Variants in SLCO4C1 observed in about 807,000 individuals in gnomAD.
SLCO4C1 encodes solute carrier organic anion transporter family member 4C1, also known as organic anion transporter M1.
SLCO4C1 carries 58 observed loss-of-function variants against 72.1 expected under a neutral mutation model. That is an observed-to-expected ratio of 0.80 (90% CI 0.65 to 1.00). SLCO4C1 has a LOEUF of 1.00. SLCO4C1 is among the 50% of genes least tolerant of loss of function. The pLI is 0.00. For synonymous variants in SLCO4C1, 297 were observed against 312.5 expected (o/e 0.95, Z 0.52); for missense variants, 898 against 857.9 (o/e 1.05, Z -0.58).
At chr5:102,243,347 A>T (rs1028329983) in intron 10 of SLCO4C1, among the ~76,000 whole-genome samples, 2 of 152,198 alleles carry the variant, frequency 1.3e-5, no homozygotes, top group Non-Finnish European at 2.9e-5. Flanking sequence ...GTCCTTAAGC[A>T]AACAGAACTA....
In SLCO4C1 at chr5:102,271,397, T is replaced by A. The variant is rs1749150033; in HGVS notation, c.620-591A>T. Among the ~76,000 whole-genome samples the A allele has an allele frequency of 2.0e-5, 3 of 151,226 alleles. No homozygotes were observed. The South Asian group carries it at 6.2e-4, about 31-fold the overall frequency. Reference sequence around the variant, plus strand: ...CCATCAGAATGTTATGATGTACATATTTTTTTAAGTTTACCCTGGCACATT... The same window carrying A: ...CCATCAGAATGTTATGATGTACATAATTTTTTAAGTTTACCCTGGCACATT... On this transcript the variant is annotated intron_variant, in intron 2 of 12. Coordinates refer to ENST00000310954, the MANE Select transcript of SLCO4C1 (RefSeq NM_180991.5).
chr5:102,264,032 G>A lies in SLCO4C1; in HGVS notation c.803-252C>T, dbSNP rs566097819. ...CAAAAATTATAAATCCATGGAAAGT[G>A]TTGTTAACTGGCAGTAGAGGTAGTA... is the stretch of plus-strand genomic sequence containing the variant. On this transcript the variant is annotated intron_variant, in intron 3 of 12. Coordinates refer to ENST00000310954, the MANE Select transcript of SLCO4C1 (RefSeq NM_180991.5). 2.6e-5 allele frequency among the ~76,000 whole-genome samples: 4 copies of A among 152,190 alleles called. No individual in the cohort carries two copies. The South Asian group carries it at 8.3e-4, about 32-fold the overall frequency.
intron 1 of SLCO4C1, among the ~76,000 whole-genome samples, chr5:102,292,114 C>T (rs1218479477): frequency 1.3e-5 from 2 of 152,250 alleles, no homozygotes; most frequent in Non-Finnish European, 2.9e-5. Flanking sequence ...TGTGAGCCAA[C>T]GCGCCTGGCC....
At position 102,247,284 on chromosome 5, in the gene SLCO4C1, C is replaced by T. The variant is rs1748653076; in HGVS notation, c.1779G>A (p.Met593Ile). ...TAGACACAGTTATAGGAGTACCGGC[C>T]ATAAAGGTAAAAATAATTACAATAA... is the stretch of plus-strand genomic sequence containing the variant. ...IFFIVIIFTF[M>I]AGTPITVSIL... Residue 593 changes from methionine (M) to isoleucine (I), a missense_variant, in exon 10 of 13, where the codon ATG (methionine) becomes ATA (isoleucine). Physicochemically the swap from Met to Ile is conservative, Grantham distance 10. Transcript: ENST00000310954. 1 of 1,574,806 alleles carries T rather than the reference C, an allele frequency of 6.3e-7. No individual in the cohort carries two copies. Among genetic ancestry groups the T allele is most frequent in the Non-Finnish European group, 8.7e-7 (1 of 1,152,750 alleles).
At chr5:102,260,540 C>T (rs390614) in intron 5 of SLCO4C1, among the ~76,000 whole-genome samples, 113,830 of 151,254 alleles carry the variant, frequency 0.75, 42,895 homozygotes, top group Middle Eastern at 0.84. Flanking sequence ...TGTAAATATC[C>T]ATGTCTGTAA....
chr5:102,240,663 C>A, intron 11 of SLCO4C1, 55 bp downstream of exon 11: 1 of 1,426,760 alleles, frequency 7.0e-7, no homozygotes, highest in Admixed American at 1.9e-5. Context: ...AAATAAATAA[C>A]ACTAATGAAC....
In SLCO4C1 at chr5:102,257,320, A is replaced by G. The variant is rs781481932; in HGVS notation, c.1274-10T>C. 9 of 1,573,392 alleles carry G rather than the reference A, an allele frequency of 5.7e-6. No homozygotes were observed. Among genetic ancestry groups the G allele is most frequent in the Non-Finnish European group, 7.7e-6 (9 of 1,165,254 alleles). On this transcript the variant is annotated splice_polypyrimidine_tract_variant and intron_variant, in intron 7 of 12. Coordinates refer to ENST00000310954, the MANE Select transcript of SLCO4C1 (RefSeq NM_180991.5). Reference sequence around the variant, plus strand: ...GGAATTAAAACAGCCCCTAATAAGAAAAAAGAATGTAGATTGTGAGAAACC... The same window carrying G: ...GGAATTAAAACAGCCCCTAATAAGAGAAAAGAATGTAGATTGTGAGAAACC...
intron 2 of SLCO4C1, among the ~76,000 whole-genome samples, chr5:102,276,307 T>C (rs1749245218): frequency 6.6e-6 from 1 of 152,174 alleles, no homozygotes; most frequent in Admixed American, 6.5e-5. Flanking sequence ...CACAAAAAGC[T>C]ATCTGCAAAA....
chr5:102,277,321 G>A (rs1278056944), intron 2 of SLCO4C1, among the ~76,000 whole-genome samples: 4 of 152,054 alleles, frequency 2.6e-5, no homozygotes, highest in Admixed American at 2.0e-4. Flanking sequence ...GAAGGGATCC[G>A]GGACTTCTAC....
intron 4 of SLCO4C1, among the ~76,000 whole-genome samples, chr5:102,262,858 A>G (rs956581135): frequency 6.6e-6 from 1 of 152,208 alleles, no homozygotes; most frequent in Non-Finnish European, 1.5e-5. Flanking sequence ...GCTGTGAAAG[A>G]TTAACCTAGG....
chr5:102,285,142 T>C (rs1473009547), intron 2 of SLCO4C1, among the ~76,000 whole-genome samples: 1 of 151,596 alleles, frequency 6.6e-6, no homozygotes, highest in Non-Finnish European at 1.5e-5. Context: ...CCAAACTTAC[T>C]GAATCAGGAT....
At chr5:102,284,039 TC>T (rs1749403981) in intron 2 of SLCO4C1, among the ~76,000 whole-genome samples, 1 of 152,132 alleles carries the variant, frequency 6.6e-6, no homozygotes, top group South Asian at 2.1e-4. Context: ...CAAATCTTAC[TC>T]AAAAAGATTA....
chr5:102,276,797 C>G (rs1749254991), intron 2 of SLCO4C1, among the ~76,000 whole-genome samples: 1 of 152,018 alleles, frequency 6.6e-6, no homozygotes, highest in Non-Finnish European at 1.5e-5. Flanking sequence ...ATGAAGAGAT[C>G]AAAAAGGATT....
At chr5:102,259,862 C>T (rs1748902698) in intron 6 of SLCO4C1, among the ~76,000 whole-genome samples, 1 of 152,078 alleles carries the variant, frequency 6.6e-6, no homozygotes, top group Non-Finnish European at 1.5e-5. Context: ...GCCAATAAGA[C>T]AACTCATGCT....
chr5:102,261,042 CATG>C (rs1748932452), intron 5 of SLCO4C1, among the ~76,000 whole-genome samples: 1 of 152,132 alleles, frequency 6.6e-6, no homozygotes, highest in South Asian at 2.1e-4. Context: ...ATTTTAACTA[CATG>C]ATTTTACAGA....
chr5:102,239,385 G>T lies in SLCO4C1; in HGVS notation c.1880C>A (p.Thr627Lys), dbSNP rs889338801. The T allele has an allele frequency of 5.7e-6, 9 of 1,572,500 alleles. No individual in the cohort carries two copies. The highest frequency in any genetic ancestry group is 6.9e-6 in the Non-Finnish European group (8 of 1,162,144). ...IQFMVLRLLG[T>K]IPGPIIFGFT... ...ACCAAATATAATTGGTCCAGGAATT[G>T]TCCCTAAAAGAATTATGGGTGAAAT... is the stretch of plus-strand genomic sequence containing the variant. The change falls in exon 12 of 13, where the codon ACA becomes AAA. Residue 627 changes from threonine to lysine, a missense_variant. By Grantham distance (78) the Thr-to-Lys change is moderately conservative. Coordinates refer to ENST00000310954, the MANE Select transcript of SLCO4C1 (RefSeq NM_180991.5).
rs746768836 is a variant in SLCO4C1 at position 102,291,557 on chromosome 5, C to T, written c.405G>A (p.Lys135=). Residue 135 remains lysine, a synonymous_variant, in exon 2 of 13, where the codon AAG becomes AAA. Transcript: ENST00000310954. ...TCAGGGAACTCTTCATTTCATAACG[C>T]TTCTCAACAGTGGAAATGCTAATAT... The part of the protein sequence containing the change: ...LVNISISTVE[K]RYEMKSSLTG... 4.3e-6 allele frequency: 7 copies of T among 1,613,778 alleles called. No individual in the cohort carries two copies.
In SLCO4C1 at chr5:102,280,090, CAAAAAAAA is replaced by C. The variant is rs36217271; in HGVS notation, c.620-9292_620-9285del. Among the ~76,000 whole-genome samples the C allele has an allele frequency of 8.9e-3, 615 of 68,894 alleles. 1 individual carries two copies. Among genetic ancestry groups the C allele is most frequent in the African/African-American group, 0.033 (558 of 16,668 alleles). The allele number at this position is 68,894 out of a possible 152,430, so 45.2% of individuals were successfully genotyped here. A position where few individuals can be genotyped will look rare whatever the true frequency, so the allele number is the denominator to read the frequency against. ...GGAAGTTCTAACCAGTGCAATAAGG[CAAAAAAAA>C]AAAAAAAAAAAAAAAAAAGAGAAAG... is the stretch of plus-strand genomic sequence containing the variant. On this transcript the variant is annotated intron_variant, in intron 2 of 12. Transcript: ENST00000310954.
In SLCO4C1 at chr5:102,236,366, T is replaced by A. The variant is rs1198157541; in HGVS notation, c.*492A>T. The A allele has an allele frequency of 1.3e-5, 2 of 152,418 alleles. No homozygotes were observed. Among genetic ancestry groups the A allele is most frequent in the East Asian group, 3.8e-4 (2 of 5,204 alleles). The allele number at this position is 152,418 out of a possible 1,614,324, so 9.4% of individuals were successfully genotyped here. On this transcript the variant is annotated 3_prime_UTR_variant, in exon 13 of 13. Transcript: ENST00000310954. ...GGCTTTCAATAATAATTCCCGGAAA[T>A]CATCACACAACTTTGATTAGTTTAA...
Sources: gnomAD v4.1 joint callset for allele counts (sites outside exome capture counted in the v4.1 genomes callset) on GRCh38, gnomAD v4.1.1 for gene constraint, MANE v1.5 for transcripts, NCBI Gene and HGNC (gene_info 2026-07-23, HGNC 2026-07-21) for gene names.